Variants in SH3BP5 observed in about 807,000 individuals in gnomAD.
The protein encoded by SH3BP5 is SH3 domain-binding protein 5.
SH3BP5 carries 22 observed loss-of-function variants against 43.3 expected under a neutral mutation model. The observed-to-expected ratio is 0.51, with a 90% CI of 0.36 to 0.73. The LOEUF is 0.73. Among genes scored for constraint, SH3BP5 ranks in the 30% least tolerant of loss-of-function variants. SH3BP5 has a pLI of 0.00. For synonymous variants in SH3BP5, 255 were observed against 225.8 expected (o/e 1.13, Z -1.16); for missense variants, 529 against 586.9 (o/e 0.90, Z 1.02).
chr3:15,299,613 C>T (rs999956427), intron 3 of SH3BP5, among the ~76,000 whole-genome samples: 1 of 150,690 alleles, frequency 6.6e-6, no homozygotes, highest in African/African-American at 2.4e-5. Flanking sequence ...CCTGCTTCAG[C>T]CTCCTAAGGG....
intron 3 of SH3BP5, among the ~76,000 whole-genome samples, chr3:15,288,386 A>G (rs1245829079): frequency 2.0e-5 from 3 of 152,240 alleles, no homozygotes; most frequent in Non-Finnish European, 4.4e-5. Flanking sequence ...CTATCAGTAG[A>G]ACTCACTTTG....
chr3:15,321,701 A>T (rs1056412561), intron 2 of SH3BP5, among the ~76,000 whole-genome samples: 1 of 152,070 alleles, frequency 6.6e-6, no homozygotes, highest in African/African-American at 2.4e-5. Context: ...CTTCTCAAAC[A>T]ATGTGGTGAT....
chr3:15,324,632 G>A (rs140638608), intron 2 of SH3BP5, among the ~76,000 whole-genome samples: 1 of 152,190 alleles, frequency 6.6e-6, no homozygotes, highest in Non-Finnish European at 1.5e-5. Context: ...CAGTTTCTTC[G>A]AAGCACAACT....
chr3:15,316,728 T>TG (rs1411120271), intron 2 of SH3BP5, among the ~76,000 whole-genome samples: 3 of 54,724 alleles, frequency 5.5e-5, no homozygotes, highest in African/African-American at 2.3e-4. Context: ...TGCTATGAAA[T>TG]GGAAAAAAAA....
In SH3BP5 at chr3:15,332,418, C is replaced by A. The variant is rs1004305513; in HGVS notation, c.-10G>T. 9 of 1,530,434 alleles carry A rather than the reference C, an allele frequency of 5.9e-6. No homozygotes were observed. The African/African-American group carries it at 1.1e-4, about 19-fold the overall frequency. The allele number at this position is 1,530,434 out of a possible 1,614,324, so 94.8% of individuals were successfully genotyped here. A position where few individuals can be genotyped will look rare whatever the true frequency, so the allele number is the denominator to read the frequency against. ...TCAGTGCCGCGTCCATGCAGGCAGCCGGCACGCGCGCCGCGCAGTGGGCTC... is the reference window on the plus strand; with the variant it reads ...TCAGTGCCGCGTCCATGCAGGCAGCAGGCACGCGCGCCGCGCAGTGGGCTC... On this transcript the variant is annotated 5_prime_UTR_variant, in exon 1 of 9. Transcript: ENST00000383791.
upstream of SH3BP5, among the ~76,000 whole-genome samples, chr3:15,332,868 G>A (rs1698652468): frequency 6.6e-6 from 1 of 152,356 alleles, no homozygotes; most frequent in Admixed American, 6.5e-5. Context: ...GTGTGGTAGG[G>A]AGGCGTGGGT....
intron 3 of SH3BP5, among the ~76,000 whole-genome samples, chr3:15,275,007 G>A (rs1425649964): frequency 1.3e-5 from 2 of 152,208 alleles, no homozygotes; most frequent in African/African-American, 4.8e-5. Context: ...AATTCGACAG[G>A]AGATTTGGGA....
In SH3BP5 at chr3:15,332,570, G is replaced by T. The variant is rs1392030455; in HGVS notation, c.-162C>A. 5 of 1,226,858 alleles carry T rather than the reference G, an allele frequency of 4.1e-6. No homozygotes were observed. The highest frequency in any genetic ancestry group is 5.1e-6 in the Non-Finnish European group (5 of 985,956). 76.0% of individuals were successfully genotyped at this position (1,226,858 alleles called of 1,614,324 possible). A position where few individuals can be genotyped will look rare whatever the true frequency, so the allele number is the denominator to read the frequency against. Reference sequence around the variant, plus strand: ...CAGCTCGCCGATGCGGATACCTCCGGCCGCGGCGGAGCAGAGGAAATGGGC... The same window carrying T: ...CAGCTCGCCGATGCGGATACCTCCGTCCGCGGCGGAGCAGAGGAAATGGGC... On this transcript the variant is annotated 5_prime_UTR_variant, in exon 1 of 9. Coordinates refer to ENST00000383791, the MANE Select transcript of SH3BP5 (RefSeq NM_004844.5).
chr3:15,320,034 A>T (rs1439216145), intron 2 of SH3BP5, among the ~76,000 whole-genome samples: 2 of 152,224 alleles, frequency 1.3e-5, no homozygotes, highest in Non-Finnish European at 2.9e-5. Flanking sequence ...TCTTCCAATA[A>T]AGCCAAAAAT....
intron 3 of SH3BP5, among the ~76,000 whole-genome samples, chr3:15,295,492 T>C (rs1697543470): frequency 1.3e-5 from 2 of 152,198 alleles, no homozygotes; most frequent in South Asian, 2.1e-4. Context: ...TTTTTCTCTA[T>C]AAATTGGCCT....
At chr3:15,281,447 G>A (rs977718565) in intron 3 of SH3BP5, among the ~76,000 whole-genome samples, 1 of 152,022 alleles carries the variant, frequency 6.6e-6, no homozygotes, top group Non-Finnish European at 1.5e-5. Flanking sequence ...ACAAGGACCT[G>A]AAGGCATCAG....
intron 3 of SH3BP5, among the ~76,000 whole-genome samples, chr3:15,286,327 G>C (rs1025574291): frequency 2.0e-5 from 3 of 152,192 alleles, no homozygotes; most frequent in African/African-American, 7.2e-5. Flanking sequence ...TGTGAGCCCG[G>C]GTTCCTGGCA....
At chr3:15,259,184 A>G (rs995354019) in intron 6 of SH3BP5, 134 bp from the exon 7 acceptor site, 39 of 697,238 alleles carry the variant, frequency 5.6e-5, no homozygotes, top group African/African-American at 4.3e-4. Context: ...CTGAAGACCT[A>G]ATTACCATTG....
intron 3 of SH3BP5, among the ~76,000 whole-genome samples, chr3:15,299,810 G>A (rs1318169289): frequency 2.0e-5 from 3 of 151,680 alleles, no homozygotes; most frequent in East Asian, 3.9e-4. Context: ...ATATTCCAGT[G>A]GATAGATAGA....
chr3:15,299,899 T>C (rs1372699122), intron 3 of SH3BP5, among the ~76,000 whole-genome samples: 2 of 152,006 alleles, frequency 1.3e-5, no homozygotes, highest in East Asian at 3.9e-4. Flanking sequence ...ATCTTCTTTT[T>C]CTCCAAATGG....
intron 5 of SH3BP5, 82 bp downstream of exon 5, chr3:15,262,077 T>C: frequency 1.3e-6 from 2 of 1,543,862 alleles, no homozygotes; most frequent in Non-Finnish European, 1.8e-6. Flanking sequence ...GGGTGGTCCT[T>C]GAGTGTGTGA....
At chr3:15,276,070 C>T (rs1575299469) in intron 3 of SH3BP5, 1 of 147,768 alleles carries the variant, frequency 6.8e-6, no homozygotes, top group African/African-American at 2.5e-5. Context: ...GTGATGTGAC[C>T]TTCATTAGAC....
intron 3 of SH3BP5, among the ~76,000 whole-genome samples, chr3:15,274,138 C>T (rs775215813): frequency 5.9e-5 from 9 of 151,778 alleles, no homozygotes; most frequent in Non-Finnish European, 1.3e-4. Context: ...CCCAGCTACT[C>T]GGGAGGCTGA....
At chr3:15,320,640 A>ACACACACACACACACACACACACACGCT (rs373879792) in intron 2 of SH3BP5, among the ~76,000 whole-genome samples, 12 of 149,560 alleles carry the variant, frequency 8.0e-5, no homozygotes, top group Non-Finnish European at 1.8e-4. Flanking sequence ...ACACACACAC[A>ACACACACACACACACACACACACACGCT]CCCCACTACG....
Sources: allele counts gnomAD v4.1 joint callset (sites outside exome capture counted in the v4.1 genomes callset), GRCh38; gene constraint gnomAD v4.1.1; transcripts MANE v1.5; gene names NCBI Gene and HGNC (gene_info 2026-07-23, HGNC 2026-07-21).